COL9A1: variants seen among roughly 807,000 people sequenced by gnomAD.
The protein encoded by COL9A1 is collagen alpha-1(IX) chain.
In COL9A1, 104 loss-of-function variants were observed where a neutral mutation model predicts 142.6. The observed-to-expected ratio is 0.73, with a 90% confidence interval of 0.62 to 0.86. COL9A1 has a LOEUF of 0.86. Ranked by LOEUF, COL9A1 falls within the 40% of genes least tolerant of loss-of-function variation. The probability of loss-of-function intolerance (pLI) is 0.00; values close to 1 mark genes in which losing one functional copy is unlikely to be tolerated. For synonymous variants in COL9A1, 466 were observed against 396.0 expected, an observed-to-expected ratio of 1.18 and a Z score of -2.10; for missense variants, 1,210 against 1,176.6, an observed-to-expected ratio of 1.03 and a Z score of -0.42.
intron 32 of COL9A1, among the ~76,000 whole-genome samples, chr6:70,239,805 A>C (rs774761778): frequency 5.9e-5 from 9 of 152,208 alleles, no homozygotes; most frequent in Non-Finnish European, 1.3e-4. Context: ...TTGGCATATC[A>C]GCTTACCTCC....
In COL9A1 at chr6:70,255,326, T is replaced by A. The variant is rs1771210963; in HGVS notation, c.1557+11A>T. 1 of 1,613,850 alleles carries A rather than the reference T, an allele frequency of 6.2e-7. No homozygotes were observed. Among genetic ancestry groups the A allele is most frequent in the Non-Finnish European group, 8.5e-7 (1 of 1,179,810 alleles). On this transcript the variant is annotated intron_variant, in intron 22 of 37. Coordinates refer to ENST00000357250, the MANE Select transcript of COL9A1 (RefSeq NM_001851.6). Reference sequence around the variant, plus strand: ...AAGCAGGAGGCTTGGAGTGACTGAATTTAAACTCACTCTATCTCCTTTGGG... The same window carrying A: ...AAGCAGGAGGCTTGGAGTGACTGAAATTAAACTCACTCTATCTCCTTTGGG...
intron 28 of COL9A1, among the ~76,000 whole-genome samples, chr6:70,247,520 T>G (rs571362735): frequency 1.3e-5 from 2 of 152,282 alleles, no homozygotes; most frequent in East Asian, 3.9e-4. Context: ...AATTCAGAGG[T>G]TGGAAATTAT....
intron 5 of COL9A1, among the ~76,000 whole-genome samples, chr6:70,292,025 T>C (rs906720078): frequency 2.0e-5 from 3 of 152,192 alleles, no homozygotes; most frequent in African/African-American, 7.2e-5. Context: ...ATTAAGCATA[T>C]TAAGATGATG....
Position 70,234,849 on chromosome 6 carries a change from C to T in COL9A1, c.2204G>A (p.Arg735Gln), listed in dbSNP as rs769986009. Residue 735 changes from arginine to glutamine, a missense_variant, in exon 34 of 38, where the codon CGG becomes CAG. Coordinates refer to ENST00000357250, the MANE Select transcript of COL9A1 (RefSeq NM_001851.6). ...GGCACCCTGTTCTCCCTGCACACCC[C>T]GGGGTCCAGGTGGTCCTCTTGGTCC... Reference protein sequence around the residue: ...VEGPRGPPGPRGVQGEQGATG... With the variant: ...VEGPRGPPGPQGVQGEQGATG... 50 of 1,613,992 alleles carry T rather than the reference C, an allele frequency of 3.1e-5. No individual in the cohort carries two copies. Among genetic ancestry groups the T allele is most frequent in the East Asian group, 2.2e-4 (10 of 44,862 alleles).
At chr6:70,286,517 CA>C (rs1773457424) in intron 5 of COL9A1, among the ~76,000 whole-genome samples, 1 of 152,324 alleles carries the variant, frequency 6.6e-6, no homozygotes, top group East Asian at 1.9e-4. Flanking sequence ...TTAAATTTTA[CA>C]ACTATAAAAC....
At chr6:70,216,021 C>T (rs1768480144), downstream of COL9A1, 1 of 152,184 alleles carries the variant, frequency 6.6e-6, no homozygotes, top group African/African-American at 2.4e-5. Context: ...ATATTATAAA[C>T]ATACACCTAT....
At position 70,260,578 on chromosome 6, in the gene COL9A1, T is replaced by C. The variant is rs1279640824; in HGVS notation, c.1449+79A>G. 2.8e-5 allele frequency: 33 copies of C among 1,188,790 alleles called. 1 individual carries two copies. In the South Asian group the frequency reaches 4.5e-4, roughly 16 times the overall value. 73.6% of individuals were successfully genotyped at this position (1,188,790 alleles called of 1,614,324 possible). ...AAAAAAAAAAAAAAGTTGTTGAAGA[T>C]AAAAAGTTATGTTTAAACGGCCAAA... On this transcript the variant is annotated intron_variant, in intron 20 of 37. Coordinates refer to ENST00000357250, the MANE Select transcript of COL9A1 (RefSeq NM_001851.6).
chr6:70,274,625 T>C, intron 11 of COL9A1, 94 bp downstream of exon 11: 1 of 1,031,732 alleles, frequency 9.7e-7, no homozygotes, highest in Non-Finnish European at 1.5e-6. Flanking sequence ...TTTTAGATAC[T>C]TCATAACTTA....
At chr6:70,281,997 C>T (rs1316174988) in intron 7 of COL9A1, among the ~76,000 whole-genome samples, 1 of 152,106 alleles carries the variant, frequency 6.6e-6, no homozygotes, top group East Asian at 1.9e-4. Flanking sequence ...TGCCTGGCCT[C>T]ATTTCAGTTT....
intron 10 of COL9A1, among the ~76,000 whole-genome samples, chr6:70,277,878 A>C (rs1772873042): frequency 6.6e-6 from 1 of 152,342 alleles, no homozygotes; most frequent in East Asian, 1.9e-4. Context: ...CTACCAGCAC[A>C]CTCAGGTTCA....
chr6:70,265,551 G>T, intron 18 of COL9A1, among the ~76,000 whole-genome samples: 1 of 147,198 alleles, frequency 6.8e-6, no homozygotes, highest in African/African-American at 2.5e-5. Context: ...AATAACCCTA[G>T]CACATAGCAG....
intron 5 of COL9A1, among the ~76,000 whole-genome samples, chr6:70,284,766 T>C (rs1773380848): frequency 1.3e-5 from 2 of 152,244 alleles, no homozygotes; most frequent in Middle Eastern, 3.2e-3. Flanking sequence ...TATTTCTTTG[T>C]CATTGATGTT....
chr6:70,285,137 A>T (rs997324458), intron 5 of COL9A1, among the ~76,000 whole-genome samples: 1 of 152,230 alleles, frequency 6.6e-6, no homozygotes, highest in Admixed American at 6.5e-5. Flanking sequence ...GTTTTCTCAA[A>T]TATGTAATTC....
rs1273465964 is a variant in COL9A1 at position 70,302,995 on chromosome 6, C to T, written c.-71G>A. The T allele has an allele frequency of 5.4e-6, 8 of 1,481,648 alleles. No individual in the cohort carries two copies. Among genetic ancestry groups the T allele is most frequent in the African/African-American group, 2.8e-5 (2 of 72,076 alleles). The allele number at this position is 1,481,648 out of a possible 1,614,324, so 91.8% of individuals were successfully genotyped here. On this transcript the variant is annotated 5_prime_UTR_variant, in exon 1 of 38. Transcript: ENST00000357250. ...GGGGTTGGAAGGGAGTCACTGTCCC[C>T]TCACGACCCCTTCACTGTTACCCTA...
rs372063728 is a variant in COL9A1, at chr6:70,252,150, C to T, written c.1842G>A (p.Glu614=). The T allele has an allele frequency of 1.9e-6, 3 of 1,614,158 alleles. No homozygotes were observed. The highest frequency in any genetic ancestry group is 1.7e-6 in the Non-Finnish European group (2 of 1,180,012). The change falls in exon 28 of 38, where the codon GAG becomes GAA. Residue 614 remains glutamate, a synonymous_variant. Coordinates refer to ENST00000357250, the MANE Select transcript of COL9A1 (RefSeq NM_001851.6). ...GCCCCTGGGGTCCTCGGGGTCCCACCTCTCCTGGAGGCCCCTGTTGGCCCT... is the reference window on the plus strand; with the variant it reads ...GCCCCTGGGGTCCTCGGGGTCCCACTTCTCCTGGAGGCCCCTGTTGGCCCT... ...GKPGQQGPPG[E]VGPRGPQGLP...
At chr6:70,280,731 CT>C in intron 10 of COL9A1, 80 bp downstream of exon 10, 3 of 1,451,836 alleles carry the variant, frequency 2.1e-6, no homozygotes, top group Non-Finnish European at 2.8e-6. Flanking sequence ...CTCTCTCTCC[CT>C]CCCCCCCCAC....
chr6:70,283,856 T>G (rs763580478), intron 5 of COL9A1, 36 bp from the exon 6 acceptor site: 5 of 1,468,660 alleles, frequency 3.4e-6, no homozygotes, highest in Non-Finnish European at 4.7e-6. Context: ...GTAAGGTTTT[T>G]TGGACGACTG....
rs1773758443 is a variant in COL9A1, at chr6:70,294,177, A to G, written c.686T>C (p.Val229Ala). Residue 229 changes from valine (V) to alanine (A), a missense_variant, in exon 5 of 38, where the codon GTT becomes GCT. By Grantham distance (64) the Val-to-Ala change is moderately conservative (BLOSUM62 0). Coordinates refer to ENST00000357250, the MANE Select transcript of COL9A1 (RefSeq NM_001851.6). ...VLGKLADNPQ[V>A]SVPFELQWML... is the part of the protein sequence containing the mutation. ...TGGTTTTATACTTACTGGAACAGAA[A>G]CTTGAGGATTATCTGCAAGTTTTCC... The G allele has an allele frequency of 3.7e-6, 6 of 1,614,020 alleles. No individual in the cohort carries two copies. The highest frequency in any genetic ancestry group is 3.4e-6 in the Non-Finnish European group (4 of 1,179,900).
Position 70,266,532 on chromosome 6 carries a change from A to G in COL9A1, c.1341+185T>C, listed in dbSNP as rs112738770. On this transcript the variant is annotated intron_variant, in intron 18 of 37. Coordinates refer to ENST00000357250, the MANE Select transcript of COL9A1 (RefSeq NM_001851.6). ...ATTTGTAAGTGTTTTATTGTAAATG[A>G]ACAACTTCAGAATATGATATTTAGT... 4.1e-3 allele frequency among the ~76,000 whole-genome samples: 631 copies of G among 152,352 alleles called. 5 individuals carry two copies. The highest frequency in any genetic ancestry group is 0.013 in the African/African-American group (552 of 41,584).
Sources: allele counts gnomAD v4.1 joint callset (sites outside exome capture counted in the v4.1 genomes callset), GRCh38; gene constraint gnomAD v4.1.1; transcripts MANE v1.5; gene names NCBI Gene and HGNC (gene_info 2026-07-23, HGNC 2026-07-21).